The following RAB38 variants were observed in gnomAD, a reference collection of about 807,000 sequenced individuals.
The protein encoded by RAB38 is ras-related protein Rab-38.
A neutral mutation model predicts 18.4 loss-of-function variants in RAB38; 15 were observed. The ratio of observed to expected loss-of-function variants is 0.82; its 90% confidence interval spans 0.55 to 1.26. The LOEUF is 1.26. Among genes scored for constraint, RAB38 ranks in the 50% most tolerant of loss-of-function variants. The probability of loss-of-function intolerance (pLI) is 0.00; values close to 1 mark genes in which losing one functional copy is unlikely to be tolerated. For synonymous variants in RAB38, 101 were observed against 104.4 expected (o/e 0.97, Z 0.20); for missense variants, 294 against 267.4 (o/e 1.10, Z -0.69).
chr11:87,809,219 C>G, the RAB38 span, among the ~76,000 whole-genome samples: 3 of 152,122 alleles, frequency 2.0e-5, no homozygotes, highest in African/African-American at 7.2e-5. Context: ...ATGTTGTTCA[C>G]AAGAGCCACA....
At chr11:88,114,381 T>C (rs1211709968) in intron 2 of RAB38, among the ~76,000 whole-genome samples, 2 of 152,222 alleles carry the variant, frequency 1.3e-5, no homozygotes, top group Non-Finnish European at 2.9e-5. Flanking sequence ...ATGTACTTAG[T>C]AGGTTAAATT....
At chr11:87,874,284 G>C in the RAB38 span, among the ~76,000 whole-genome samples, 1 of 151,154 alleles carries the variant, frequency 6.6e-6, no homozygotes, top group Admixed American at 6.6e-5. Context: ...CAACAACAAA[G>C]GAAACAATAA....
the RAB38 span, among the ~76,000 whole-genome samples, chr11:88,038,051 C>T: frequency 6.6e-6 from 1 of 152,026 alleles, no homozygotes; most frequent in East Asian, 1.9e-4. Context: ...ATACTTTTTG[C>T]TCATCTGTGA....
At chr11:87,915,595 C>A in the RAB38 span, among the ~76,000 whole-genome samples, 52 of 152,242 alleles carry the variant, frequency 3.4e-4, no homozygotes, top group East Asian at 9.7e-3. Context: ...ATTGCCCACC[C>A]CTTTCCTGGA....
the RAB38 span, among the ~76,000 whole-genome samples, chr11:87,835,793 A>C: frequency 1.3e-5 from 2 of 152,300 alleles, no homozygotes; most frequent in Admixed American, 1.3e-4. Flanking sequence ...CATTTTCTAC[A>C]ACTGTGGGAA....
chr11:88,142,736 T>C (rs1357514017), intron 2 of RAB38, among the ~76,000 whole-genome samples: 2 of 152,168 alleles, frequency 1.3e-5, no homozygotes, highest in African/African-American at 2.4e-5. Flanking sequence ...AGAATGTCCA[T>C]TGCATTATAA....
At chr11:87,854,082 A>C in the RAB38 span, among the ~76,000 whole-genome samples, 1 of 152,110 alleles carries the variant, frequency 6.6e-6, no homozygotes, top group South Asian at 2.1e-4. Context: ...TCTAGGCTAA[A>C]TATCCTATCT....
chr11:87,948,583 T>G, the RAB38 span, among the ~76,000 whole-genome samples: 1 of 152,090 alleles, frequency 6.6e-6, no homozygotes, highest in African/African-American at 2.4e-5. Flanking sequence ...AATATCTAAT[T>G]TATTGAGAGT....
At chr11:87,934,217 G>GAC in the RAB38 span, among the ~76,000 whole-genome samples, 4 of 152,054 alleles carry the variant, frequency 2.6e-5, no homozygotes, top group Admixed American at 2.6e-4. Flanking sequence ...GCTTGAAACA[G>GAC]ACACTGCAAT....
chr11:88,170,089 C>T (rs1943291518), intron 1 of RAB38, among the ~76,000 whole-genome samples: 1 of 152,200 alleles, frequency 6.6e-6, no homozygotes, highest in Non-Finnish European at 1.5e-5. Context: ...CTATCAGAAT[C>T]AGTCCTCTAA....
intron 2 of RAB38, among the ~76,000 whole-genome samples, chr11:88,115,300 T>G (rs1942534724): frequency 6.6e-6 from 1 of 152,240 alleles, no homozygotes; most frequent in African/African-American, 2.4e-5. Flanking sequence ...TACAGAACCT[T>G]GTTGTCCAAT....
rs534348238 is a variant in RAB38, at chr11:88,126,699, A to T, written c.484-12559T>A. Among the ~76,000 whole-genome samples the T allele has an allele frequency of 5.9e-4, 23 of 39,204 alleles. No homozygotes were observed. In the South Asian group the frequency reaches 0.014, roughly 24 times the overall value. The allele number at this position is 39,204 out of a possible 152,430, so 25.7% of individuals were successfully genotyped here. ...CATGTACCCTAAAACTTAAAGTATA[A>T]TAATAAAAAAAAAAAGAAAGACTCA... On this transcript the variant is annotated intron_variant, in intron 2 of 2. Coordinates refer to ENST00000243662, the MANE Select transcript of RAB38 (RefSeq NM_022337.3).
In RAB38 at chr11:88,149,946, C is replaced by G; in HGVS notation, c.212G>C (p.Arg71Thr). 6.2e-7 allele frequency: 1 copy of G among 1,603,066 alleles called. No homozygotes were observed. Among genetic ancestry groups the G allele is most frequent in the Non-Finnish European group, 8.5e-7 (1 of 1,174,848 alleles). The change falls in exon 2 of 3, where the codon AGA becomes ACA. Residue 71 changes from arginine to threonine, a missense_variant. Coordinates refer to ENST00000243662, the MANE Select transcript of RAB38 (RefSeq NM_022337.3). ...LQLWDIAGQE[R>T]FGNMTRVYYR... ...ATAGACCCTCGTCATGTTTCCAAAT[C>G]TTTCTTGACCTGACACCAAAAAGAA... is the stretch of plus-strand genomic sequence containing the variant.
At chr11:88,034,293 T>G in the RAB38 span, among the ~76,000 whole-genome samples, 5 of 152,384 alleles carry the variant, frequency 3.3e-5, no homozygotes, top group Non-Finnish European at 7.3e-5. Flanking sequence ...TTTTGGGTTA[T>G]TACACGTAAG....
the RAB38 span, among the ~76,000 whole-genome samples, chr11:87,880,510 T>C: frequency 6.6e-6 from 1 of 151,990 alleles, no homozygotes; most frequent in East Asian, 2.0e-4. Flanking sequence ...TGTGCTATGT[T>C]ACTGAAATTG....
the RAB38 span, among the ~76,000 whole-genome samples, chr11:88,004,611 G>A: frequency 6.6e-6 from 1 of 151,184 alleles, no homozygotes; most frequent in Non-Finnish European, 1.5e-5. Flanking sequence ...AGAAAACATG[G>A]TTGAAGTTCC....
the RAB38 span, among the ~76,000 whole-genome samples, chr11:88,064,661 A>G: frequency 1.0e-3 from 155 of 152,382 alleles, 1 homozygote; most frequent in Middle Eastern, 3.4e-3. Flanking sequence ...GTTTTGGATA[A>G]AAGCATACAT....
At chr11:88,071,568 A>G in the RAB38 span, among the ~76,000 whole-genome samples, 1 of 152,224 alleles carries the variant, frequency 6.6e-6, no homozygotes, top group African/African-American at 2.4e-5. Flanking sequence ...TTACTGCCAT[A>G]TAAAGAGGGC....
At chr11:88,130,863 G>C (rs767617584) in intron 2 of RAB38, among the ~76,000 whole-genome samples, 5 of 152,128 alleles carry the variant, frequency 3.3e-5, no homozygotes, top group South Asian at 4.1e-4. Flanking sequence ...AGGCAGAAGC[G>C]AAACTGACAT....
Sources: allele counts gnomAD v4.1 joint callset (sites outside exome capture counted in the v4.1 genomes callset), GRCh38; gene constraint gnomAD v4.1.1; transcripts MANE v1.5; gene names NCBI Gene and HGNC (gene_info 2026-07-23, HGNC 2026-07-21).